Variants in PARP9 observed in about 807,000 individuals in gnomAD.
PARP9 encodes poly(ADP-ribose) polymerase family member 9, also known as protein mono-ADP-ribosyltransferase PARP9.
PARP9 carries 48 observed loss-of-function variants against 68.8 expected under a neutral mutation model. The observed-to-expected ratio is 0.70, with a 90% CI of 0.55 to 0.89. The LOEUF is 0.89. Among genes scored for constraint, PARP9 ranks in the 40% least tolerant of loss-of-function variants. PARP9 has a pLI of 0.00. For synonymous variants in PARP9, 309 were observed against 333.8 expected, an observed-to-expected ratio of 0.93 and a Z score of 0.81; for missense variants, 806 against 969.3, an observed-to-expected ratio of 0.83 and a Z score of 2.24.
At chr3:122,556,608 G>A (rs2079691219) in intron 3 of PARP9, among the ~76,000 whole-genome samples, 1 of 152,176 alleles carries the variant, frequency 6.6e-6, no homozygotes, top group Non-Finnish European at 1.5e-5. Context: ...CTGAGACAAA[G>A]ATGTGAATGT....
Position 122,536,218 on chromosome 3 carries a change from C to G in PARP9, c.2030G>C (p.Cys677Ser). Residue 677 changes from cysteine to serine, a missense_variant, in exon 10 of 11, where the codon TGC becomes TCC. Cys to Ser is a moderately radical substitution (Grantham distance 112, BLOSUM62 -1). Around this residue, in one of 2 missense-constraint regions of PARP9, gnomAD observed 680 missense variants for 858.8 expected, o/e 0.79. Transcript: ENST00000682323. ...RLFQQVPYQF[C>S]NVVCRVGFQR... ...AAAGCCAACTCTGCATACCACATTGCAGAACTGGTATGGGACTTGCTGAAA... is the reference window on the plus strand; with the variant it reads ...AAAGCCAACTCTGCATACCACATTGGAGAACTGGTATGGGACTTGCTGAAA... The G allele has an allele frequency of 6.2e-7, 1 of 1,614,154 alleles. No homozygotes were observed. Among genetic ancestry groups the G allele is most frequent in the Non-Finnish European group, 8.5e-7 (1 of 1,180,022 alleles).
In PARP9 at chr3:122,545,440, T is replaced by C; in HGVS notation, c.1376A>G (p.Asn459Ser). 1.2e-6 allele frequency: 2 copies of C among 1,614,202 alleles called. No individual in the cohort carries two copies. The highest frequency in any genetic ancestry group is 2.2e-5 in the East Asian group (1 of 44,888). The change falls in exon 7 of 11, where the codon AAT (asparagine) becomes AGT (serine). Residue 459 changes from asparagine (N) to serine (S), a missense_variant. Physicochemically the swap from Asn to Ser is conservative, Grantham distance 46 (BLOSUM62 1). Transcript: ENST00000682323. The part of the protein sequence containing the change: ...AKRSKMLSLN[N>S]YSVPQSTREE... ...GTGAATTTCTTACTCACCACTGTAATTGTTCAAACTCAGCATCTTGGACCT... is the reference window on the plus strand; with the variant it reads ...GTGAATTTCTTACTCACCACTGTAACTGTTCAAACTCAGCATCTTGGACCT...
intron 5 of PARP9, 113 bp from the exon 6 acceptor site, chr3:122,550,915 G>T (rs190465917): frequency 4.4e-6 from 4 of 917,866 alleles, no homozygotes; most frequent in South Asian, 1.6e-5. Context: ...CTCAGGGTTC[G>T]TGTCCCTGCC....
chr3:122,544,784 T>G (rs1228070730), intron 7 of PARP9, among the ~76,000 whole-genome samples: 2 of 152,150 alleles, frequency 1.3e-5, no homozygotes, highest in East Asian at 3.9e-4. Flanking sequence ...TGCAGTGAGC[T>G]GAGATCACGC....
intron 4 of PARP9, among the ~76,000 whole-genome samples, chr3:122,553,244 C>T (rs1294218512): frequency 6.6e-6 from 1 of 152,150 alleles, no homozygotes; most frequent in Non-Finnish European, 1.5e-5. Context: ...TCATCTCTCT[C>T]TTCAGAAATA....
At chr3:122,534,168 G>A in intron 10 of PARP9, 1 of 800,002 alleles carries the variant, frequency 1.3e-6, no homozygotes, top group Non-Finnish European at 1.5e-6. Context: ...GACAAGATCT[G>A]TGGTTAGGTT....
In PARP9 at chr3:122,558,614, A is replaced by T. The variant is rs535895603; in HGVS notation, c.16-147T>A. 7 of 917,072 alleles carry T rather than the reference A, an allele frequency of 7.6e-6. No individual in the cohort carries two copies. In the East Asian group the frequency reaches 1.8e-4, roughly 24 times the overall value. 56.8% of individuals were successfully genotyped at this position (917,072 alleles called of 1,614,324 possible). A position where few individuals can be genotyped will look rare whatever the true frequency, so the allele number is the denominator to read the frequency against. Reference sequence around the variant, plus strand: ...GAGGGCAGGAAGCATGTGTTTTTTTAAATCTGCATGCCCGAAACACTTAAA... The same window carrying T: ...GAGGGCAGGAAGCATGTGTTTTTTTTAATCTGCATGCCCGAAACACTTAAA... On this transcript the variant is annotated intron_variant, in intron 2 of 10. Transcript: ENST00000682323.
upstream of PARP9, chr3:122,564,306 G>A (rs1158739492): frequency 1.6e-6 from 2 of 1,226,152 alleles, no homozygotes; most frequent in Admixed American, 2.7e-5. Context: ...GCTCTGCCGG[G>A]AACAGGGAGG....
At chr3:122,549,968 A>G (rs1431859653) in intron 6 of PARP9, among the ~76,000 whole-genome samples, 1 of 152,206 alleles carries the variant, frequency 6.6e-6, no homozygotes, top group African/African-American at 2.4e-5. Flanking sequence ...AGGACCCCAC[A>G]CTGAAACTAG....
chr3:122,549,242 G>A (rs1306913469), intron 6 of PARP9, among the ~76,000 whole-genome samples: 6 of 151,998 alleles, frequency 3.9e-5, no homozygotes, highest in East Asian at 1.9e-4. Flanking sequence ...TCTCAAACTC[G>A]TGACCTCAGA....
At chr3:122,539,507 A>ATTCCTTTCTTCC (rs1553714534) in intron 8 of PARP9, among the ~76,000 whole-genome samples, 1 of 133,162 alleles carries the variant, frequency 7.5e-6, no homozygotes, top group East Asian at 2.2e-4. Flanking sequence ...CCAAGATGGC[A>ATTCCTTTCTTCC]TTTCTTTCTT....
At chr3:122,528,812 TAATA>T in intron 10 of PARP9, 69 bp from the exon 11 acceptor site, 1 of 1,343,788 alleles carries the variant, frequency 7.4e-7, no homozygotes, top group Non-Finnish European at 1.0e-6. Context: ...ATTTGGGTAC[TAATA>T]TCTATTCTTT....
rs1559872089 is a variant in PARP9, at chr3:122,556,069, A to C, written c.102T>G (p.Asn34Lys). 6.6e-7 allele frequency: 1 copy of C among 1,523,540 alleles called. No individual in the cohort carries two copies. Among genetic ancestry groups the C allele is most frequent in the Non-Finnish European group, 8.9e-7 (1 of 1,124,508 alleles). The allele number at this position is 1,523,540 out of a possible 1,614,324, so 94.4% of individuals were successfully genotyped here. A position where few individuals can be genotyped will look rare whatever the true frequency, so the allele number is the denominator to read the frequency against. ...CATTATTTTTTAAAATTTTGAAGTC[A>C]TTGTGGTTAATGGGAATTTGCCAAC... ...NYSWQIPINH[N>K]DFKILKNNER... Residue 34 changes from asparagine (N) to lysine (K), a missense_variant, in exon 4 of 11, where the codon AAT (asparagine) becomes AAG (lysine). Asn to Lys is a moderately conservative substitution (Grantham distance 94). Around this residue, in one of 2 missense-constraint regions of PARP9, gnomAD observed 126 missense variants for 110.5 expected, o/e 1.14. Transcript: ENST00000682323.
chr3:122,528,775 A>T, intron 10 of PARP9, 32 bp from the exon 11 acceptor site: 1 of 1,502,408 alleles, frequency 6.7e-7, no homozygotes, highest in Non-Finnish European at 8.9e-7. Context: ...TAAAAAGATT[A>T]TTATAATCTG....
chr3:122,530,141 C>T (rs1576369354), intron 10 of PARP9, among the ~76,000 whole-genome samples: 1 of 137,710 alleles, frequency 7.3e-6, no homozygotes, highest in Non-Finnish European at 1.5e-5. Context: ...CGTGCCACTG[C>T]ACTCCAACCT....
intron 6 of PARP9, among the ~76,000 whole-genome samples, chr3:122,547,009 T>TATAC (rs2078768163): frequency 1.1e-5 from 1 of 93,902 alleles, no homozygotes; most frequent in Non-Finnish European, 2.1e-5. Flanking sequence ...TATATATATA[T>TATAC]ATATACACAC....
chr3:122,553,192 A>AC (rs965974517), intron 4 of PARP9, among the ~76,000 whole-genome samples: 2 of 151,296 alleles, frequency 1.3e-5, no homozygotes, highest in African/African-American at 2.4e-5. Context: ...AGGTTCCCAG[A>AC]CCCCCCCACT....
Position 122,540,624 on chromosome 3 carries a change from A to G in PARP9, c.1613T>C (p.Ile538Thr), listed in dbSNP as rs779383832. ...SQLQKTSSVS[I>T]TEIISPGRTE... ...CCTTCCTGGGCTGATAATTTCTGTG[A>G]TGGAGACACTTGAAGTTTTCTGAAG... The change falls in exon 8 of 11, where the codon ATC (isoleucine) becomes ACC (threonine). Residue 538 changes from isoleucine to threonine, a missense_variant. By Grantham distance (89) the Ile-to-Thr change is moderately conservative. This residue lies in a region of PARP9 where 680 missense variants were observed against 858.8 expected (regional missense o/e 0.79). Coordinates refer to ENST00000682323, the MANE Select transcript of PARP9 (RefSeq NM_001146105.2). The G allele has an allele frequency of 4.3e-6, 7 of 1,614,100 alleles. No homozygotes were observed. The highest frequency in any genetic ancestry group is 5.9e-6 in the Non-Finnish European group (7 of 1,180,030).
intron 4 of PARP9, 90 bp downstream of exon 4, chr3:122,555,196 C>T: frequency 2.4e-6 from 3 of 1,254,940 alleles, no homozygotes; most frequent in Non-Finnish European, 3.3e-6. Flanking sequence ...AAGATGGTTT[C>T]TACATAGTGT....
Sources: allele counts gnomAD v4.1 joint callset (sites outside exome capture counted in the v4.1 genomes callset), GRCh38; gene constraint gnomAD v4.1.1; regional missense constraint gnomAD v4.1.1; transcripts MANE v1.5; gene names NCBI Gene and HGNC (gene_info 2026-07-23, HGNC 2026-07-21).